The following NWD2 variants were observed in gnomAD, a reference collection of about 807,000 sequenced individuals.
NWD2 encodes NACHT and WD repeat domain-containing protein 2.
NWD2 carries 37 observed loss-of-function variants against 132.7 expected under a neutral mutation model. The observed-to-expected ratio is 0.28, with a 90% CI of 0.21 to 0.37. NWD2 has a LOEUF of 0.37. Ranked by LOEUF, NWD2 falls within the 10% of genes least tolerant of loss-of-function variation. NWD2 has a pLI of 1.00. For synonymous variants in NWD2, 705 were observed against 803.0 expected (o/e 0.88, Z 2.06); for missense variants, 1,592 against 2,122.4 (o/e 0.75, Z 4.91).
chr4:37,289,066 T>C (rs1374834929), intron 1 of NWD2, among the ~76,000 whole-genome samples: 2 of 152,216 alleles, frequency 1.3e-5, no homozygotes, highest in East Asian at 3.8e-4. Context: ...ACATATGGTT[T>C]ACATCTAGTG....
rs148688487 is a variant in NWD2 at position 37,248,111 on chromosome 4, A to G, written c.151+2893A>G. The stretch of plus-strand genomic sequence containing the variant: ...ATAGCAGAGTGAAAGAGTAGAGCCT[A>G]TAGGACCCTGACAACACTTGATATT... On this transcript the variant is annotated intron_variant, in intron 1 of 6. Transcript: ENST00000309447. Among the ~76,000 whole-genome samples, 909 of 152,282 alleles carry G rather than the reference A, an allele frequency of 6.0e-3. 8 individuals carry two copies. The highest frequency in any genetic ancestry group is 0.02 in the Middle Eastern group (6 of 294).
In NWD2 at chr4:37,439,186, T is replaced by C. The variant is rs1470946523; in HGVS notation, c.1092T>C (p.Thr364=). 3 of 1,550,234 alleles carry C rather than the reference T, an allele frequency of 1.9e-6. No individual in the cohort carries two copies. The highest frequency in any genetic ancestry group is 1.2e-5 in the South Asian group (1 of 83,718). ...IQATIQQNFD[T]ETDTLYDEIL... is the part of the protein sequence containing the mutation. ...CAACGATACAACAGAATTTTGACAC[T>C]GAAACTGATACACTCTATGATGAAA... The change falls in exon 6 of 7, where the codon ACT becomes ACC. Residue 364 remains threonine, a synonymous_variant. Transcript: ENST00000309447. This position sits in a 1 kb window ranked among gnomAD's most constrained non-coding sequence, Gnocchi z 4.5.
chr4:37,266,448 A>G (rs1342067668), intron 1 of NWD2, among the ~76,000 whole-genome samples: 1 of 152,054 alleles, frequency 6.6e-6, no homozygotes, highest in African/African-American at 2.4e-5. Context: ...CTTCAAGCTT[A>G]CAGTTTTACA....
chr4:37,375,126 G>T (rs1560407456), intron 3 of NWD2, among the ~76,000 whole-genome samples: 1 of 152,104 alleles, frequency 6.6e-6, no homozygotes, highest in Non-Finnish European at 1.5e-5. Context: ...CAAATAAATT[G>T]TTCCATTGTG....
chr4:37,357,355 C>T (rs776866777), intron 3 of NWD2, among the ~76,000 whole-genome samples: 3 of 152,052 alleles, frequency 2.0e-5, no homozygotes, highest in East Asian at 1.9e-4. Context: ...TTTGCATATC[C>T]GTCTATATTT....
intron 1 of NWD2, among the ~76,000 whole-genome samples, chr4:37,248,257 T>G (rs531040427): frequency 6.6e-6 from 1 of 151,868 alleles, no homozygotes; most frequent in South Asian, 2.1e-4. Flanking sequence ...ACTTAAAGAG[T>G]ATGAACAGCT....
intron 2 of NWD2, among the ~76,000 whole-genome samples, chr4:37,349,164 G>A (rs1719712923): frequency 6.6e-6 from 1 of 152,136 alleles, no homozygotes; most frequent in Non-Finnish European, 1.5e-5. Flanking sequence ...TGTTTTTACA[G>A]TAGAATGATT....
intron 3 of NWD2, among the ~76,000 whole-genome samples, chr4:37,400,674 G>A (rs1217964832): frequency 5.3e-5 from 8 of 152,144 alleles, no homozygotes. Context: ...CTTTTACTGT[G>A]ACCATTAATG....
At position 37,372,529 on chromosome 4, in the gene NWD2, T is replaced by G. The variant is rs540094657; in HGVS notation, c.357+16047T>G. 2.6e-5 allele frequency among the ~76,000 whole-genome samples: 4 copies of G among 152,360 alleles called. No homozygotes were observed. In the East Asian group the frequency reaches 7.7e-4, roughly 29 times the overall value. On this transcript the variant is annotated intron_variant, in intron 3 of 6. Transcript: ENST00000309447. The stretch of plus-strand genomic sequence containing the variant: ...TCACTCAGCTTTTGTTTTCCCTGAA[T>G]GCAGATATGTTCATGTCAAACTACA...
chr4:37,307,577 TTGAC>T (rs1311183688), intron 1 of NWD2, among the ~76,000 whole-genome samples: 1 of 152,214 alleles, frequency 6.6e-6, no homozygotes, highest in Non-Finnish European at 1.5e-5. Context: ...TCTTTGACTT[TTGAC>T]TATAATGTTT....
chr4:37,274,037 A>G (rs1207606824), intron 1 of NWD2, among the ~76,000 whole-genome samples: 1 of 152,310 alleles, frequency 6.6e-6, no homozygotes, highest in African/African-American at 2.4e-5. Flanking sequence ...AAGCAAGAGC[A>G]AACACATTCA....
At chr4:37,408,125 C>CAGG (rs1721081468) in intron 3 of NWD2, among the ~76,000 whole-genome samples, 2 of 152,194 alleles carry the variant, frequency 1.3e-5, no homozygotes, top group Admixed American at 1.3e-4. Context: ...GAACTAGCTG[C>CAGG]AGGAGTTCTT....
At chr4:37,304,863 C>G (rs959705737) in intron 1 of NWD2, among the ~76,000 whole-genome samples, 11 of 152,144 alleles carry the variant, frequency 7.2e-5, no homozygotes, top group African/African-American at 1.7e-4. Context: ...GATGGTGGCT[C>G]TCTTCTCACA....
chr4:37,299,609 CTT>C (rs1374184360), intron 1 of NWD2, among the ~76,000 whole-genome samples: 295 of 152,218 alleles, frequency 1.9e-3, no homozygotes, highest in African/African-American at 6.9e-3. Context: ...ACCCAGCAAT[CTT>C]TCCTTTGATT....
chr4:37,303,010 A>G (rs1411719924), intron 1 of NWD2, among the ~76,000 whole-genome samples: 1 of 152,216 alleles, frequency 6.6e-6, no homozygotes. Context: ...TAGAAGTCAT[A>G]TCCACAAAGT....
chr4:37,300,400 A>G (rs1258719278), intron 1 of NWD2, among the ~76,000 whole-genome samples: 2 of 152,116 alleles, frequency 1.3e-5, no homozygotes, highest in South Asian at 2.1e-4. Flanking sequence ...CCAATTATAT[A>G]TTATTCGAAT....
intron 3 of NWD2, among the ~76,000 whole-genome samples, chr4:37,421,513 CA>C (rs1439897087): frequency 1.3e-5 from 2 of 152,168 alleles, no homozygotes; most frequent in Non-Finnish European, 2.9e-5. Flanking sequence ...AGGAGTTCAG[CA>C]GTGAGTTTAT....
Position 37,446,267 on chromosome 4 carries a change from G to C in NWD2, c.4279G>C (p.Ala1427Pro). 1 of 1,551,592 alleles carries C rather than the reference G, an allele frequency of 6.4e-7. No individual in the cohort carries two copies. The highest frequency in any genetic ancestry group is 8.7e-7 in the Non-Finnish European group (1 of 1,146,988). ...EENASRVWRL[A>P]TGHRVCNILT... is the part of the protein sequence containing the mutation. ...AAATGCCTCCAGGGTTTGGAGGCTC[G>C]CCACAGGCCACAGGGTCTGCAACAT... is the stretch of plus-strand genomic sequence containing the variant. The change falls in exon 7 of 7, where the codon GCC becomes CCC. Residue 1427 changes from alanine to proline, a missense_variant. Transcript: ENST00000309447. This position sits in a 1 kb window ranked among gnomAD's most constrained non-coding sequence, Gnocchi z 6.7.
At chr4:37,406,471 G>A (rs2376758) in intron 3 of NWD2, among the ~76,000 whole-genome samples, 148,626 of 152,344 alleles carry the variant, frequency 0.98, 72,587 homozygotes, top group East Asian at 1. Context: ...TCATTCTACT[G>A]TACTATAAAG....
Sources: allele counts gnomAD v4.1 joint callset (sites outside exome capture counted in the v4.1 genomes callset), GRCh38; gene constraint gnomAD v4.1.1; non-coding constraint Gnocchi (gnomAD v3.1); transcripts MANE v1.5; gene names NCBI Gene and HGNC (gene_info 2026-07-23, HGNC 2026-07-21).